RPS6KC1: variants seen among roughly 807,000 people sequenced by gnomAD.
The protein encoded by RPS6KC1 is ribosomal protein S6 kinase C1.
A neutral mutation model predicts 103.8 loss-of-function variants in RPS6KC1; 54 were observed. The ratio of observed to expected loss-of-function variants is 0.52; its 90% confidence interval spans 0.42 to 0.65. The LOEUF (loss-of-function observed/expected upper bound fraction) is 0.65. Among genes scored for constraint, RPS6KC1 ranks in the 30% least tolerant of loss-of-function variants. RPS6KC1 has a pLI of 0.00. For missense variants in RPS6KC1, 1,151 were observed against 1,253.8 expected (o/e 0.92, Z 1.24); for synonymous variants, 439 against 438.7 (o/e 1.00, Z -0.01).
intron 1 of RPS6KC1, among the ~76,000 whole-genome samples, chr1:213,066,767 G>C (rs2078367425): frequency 6.6e-6 from 1 of 152,236 alleles, no homozygotes; most frequent in Admixed American, 6.5e-5. Context: ...GAGGGTTAAG[G>C]AAGCAATTGT....
the RPS6KC1 span, among the ~76,000 whole-genome samples, chr1:213,860,461 A>G: frequency 6.6e-6 from 1 of 152,172 alleles, no homozygotes; most frequent in Non-Finnish European, 1.5e-5. Flanking sequence ...GCTCACAGCT[A>G]TAGGAGCAAT....
the RPS6KC1 span, among the ~76,000 whole-genome samples, chr1:213,448,762 CT>C: frequency 1.9e-5 from 2 of 102,700 alleles, no homozygotes; most frequent in African/African-American, 7.3e-5. Context: ...GACAGGCAAT[CT>C]GTTACAAAAA....
At chr1:213,737,869 T>A in the RPS6KC1 span, among the ~76,000 whole-genome samples, 3 of 152,170 alleles carry the variant, frequency 2.0e-5, no homozygotes, top group African/African-American at 7.2e-5. Context: ...CACCATACAG[T>A]CTAGGTTGGC....
the RPS6KC1 span, among the ~76,000 whole-genome samples, chr1:213,412,167 C>T: frequency 9.9e-5 from 15 of 152,150 alleles, no homozygotes; most frequent in African/African-American, 3.4e-4. Flanking sequence ...ACTAAGTTCC[C>T]GTTTTATGTA....
At chr1:213,262,851 C>A in intron 14 of RPS6KC1, 35 bp downstream of exon 14, 3 of 1,262,086 alleles carry the variant, frequency 2.4e-6, no homozygotes, top group Non-Finnish European at 1.2e-6. Flanking sequence ...GGTTTATCAA[C>A]CATGCAGATT....
intron 6 of RPS6KC1, among the ~76,000 whole-genome samples, chr1:213,154,557 C>T (rs193204760): frequency 1.6e-4 from 24 of 152,316 alleles, no homozygotes; most frequent in African/African-American, 5.8e-4. Context: ...AGGACTACTG[C>T]CAGAATACTG....
intron 2 of RPS6KC1, among the ~76,000 whole-genome samples, chr1:213,073,780 A>G (rs974751001): frequency 2.6e-5 from 4 of 151,988 alleles, no homozygotes; most frequent in African/African-American, 9.7e-5. Context: ...GGCTCAAGTG[A>G]TTCTCCTGCC....
chr1:213,430,126 A>G, the RPS6KC1 span, among the ~76,000 whole-genome samples: 1 of 152,148 alleles, frequency 6.6e-6, no homozygotes, highest in Non-Finnish European at 1.5e-5. Flanking sequence ...ATGGGAAATC[A>G]AGGCCTTGAT....
chr1:213,311,453 A>G, the RPS6KC1 span, among the ~76,000 whole-genome samples: 1 of 151,988 alleles, frequency 6.6e-6, no homozygotes, highest in South Asian at 2.1e-4. Context: ...TGCTCTTTTT[A>G]TCAGGGTTTA....
At chr1:213,439,287 T>G in the RPS6KC1 span, among the ~76,000 whole-genome samples, 5 of 152,178 alleles carry the variant, frequency 3.3e-5, no homozygotes, top group South Asian at 1.0e-3. Context: ...CTCCAGGATA[T>G]TAATTTTCAC....
At chr1:213,461,532 C>T in the RPS6KC1 span, among the ~76,000 whole-genome samples, 1 of 152,142 alleles carries the variant, frequency 6.6e-6, no homozygotes, top group Admixed American at 6.6e-5. Context: ...TTAAACTATA[C>T]TACAAGGCTA....
chr1:213,600,044 G>A, the RPS6KC1 span, among the ~76,000 whole-genome samples: 17 of 152,160 alleles, frequency 1.1e-4, no homozygotes, highest in Non-Finnish European at 2.2e-4. Context: ...ATGATAGTGA[G>A]TGAGTTCTCA....
intron 1 of RPS6KC1, among the ~76,000 whole-genome samples, chr1:213,062,701 C>T (rs762978817): frequency 6.6e-6 from 1 of 151,924 alleles, no homozygotes. Flanking sequence ...GGACTACAGG[C>T]GAGCCCCACC....
chr1:213,463,283 T>A, the RPS6KC1 span, among the ~76,000 whole-genome samples: 1 of 152,200 alleles, frequency 6.6e-6, no homozygotes, highest in Non-Finnish European at 1.5e-5. Flanking sequence ...CTCTGGGGCC[T>A]GTCTGCTTGG....
the RPS6KC1 span, among the ~76,000 whole-genome samples, chr1:213,444,744 CAA>C: frequency 6.9e-5 from 6 of 87,532 alleles, no homozygotes; most frequent in African/African-American, 1.9e-4. Context: ...AACTCCAACT[CAA>C]AAAAAAAAAA....
chr1:213,127,578 CTG>C (rs964582976), intron 5 of RPS6KC1, among the ~76,000 whole-genome samples: 1 of 152,130 alleles, frequency 6.6e-6, no homozygotes, highest in African/African-American at 2.4e-5. Flanking sequence ...AATTAACAAA[CTG>C]TCATTATTCA....
chr1:213,834,000 ATAAAT>A, the RPS6KC1 span, among the ~76,000 whole-genome samples: 3 of 152,222 alleles, frequency 2.0e-5, no homozygotes, highest in Admixed American at 6.5e-5. Context: ...ATGAGGTTAA[ATAAAT>A]TAAAGTGTGA....
At position 213,125,778 on chromosome 1, in the gene RPS6KC1, T is replaced by C. The variant is rs1201585972; in HGVS notation, c.473-3749T>C. On this transcript the variant is annotated intron_variant, in intron 5 of 14. Transcript: ENST00000366960. ...TCTTTCTCTCTAGGTATTTTAATGG[T>C]CTTACTTTTTTGATCTAATCTCATT... The C allele has an allele frequency of 2.0e-5, 3 of 152,008 alleles. No individual in the cohort carries two copies. In the East Asian group the frequency reaches 5.8e-4, roughly 29 times the overall value. The allele number at this position is 152,008 out of a possible 1,614,324, so 9.4% of individuals were successfully genotyped here.
chr1:213,481,102 A>G, the RPS6KC1 span, among the ~76,000 whole-genome samples: 8 of 152,196 alleles, frequency 5.3e-5, no homozygotes, highest in Non-Finnish European at 1.2e-4. Context: ...TCTTGTTTGC[A>G]TTATCAACGC....
Sources: allele counts gnomAD v4.1 joint callset (sites outside exome capture counted in the v4.1 genomes callset), GRCh38; gene constraint gnomAD v4.1.1; transcripts MANE v1.5; gene names NCBI Gene and HGNC (gene_info 2026-07-23, HGNC 2026-07-21).